CDK14: variants seen among roughly 807,000 people sequenced by gnomAD.
CDK14 encodes the protein cyclin-dependent kinase 14.
Under a neutral mutation model 60.7 loss-of-function variants are expected in CDK14, and 34 were observed. That is an observed-to-expected ratio of 0.56 (90% confidence interval 0.43 to 0.75). The LOEUF (loss-of-function observed/expected upper bound fraction) is 0.75. Among genes scored for constraint, CDK14 ranks in the 30% least tolerant of loss-of-function variants. CDK14 has a pLI of 0.00. For missense variants in CDK14, 482 were observed against 564.1 expected (o/e 0.85, Z 1.47); for synonymous variants, 197 against 203.7 (o/e 0.97, Z 0.28).
chr7:90,900,026 G>A (rs1051329103), intron 7 of CDK14, among the ~76,000 whole-genome samples: 2 of 152,088 alleles, frequency 1.3e-5, no homozygotes, highest in Admixed American at 6.6e-5. Flanking sequence ...AGAACCAATT[G>A]AGTATTACAG....
intron 8 of CDK14, among the ~76,000 whole-genome samples, chr7:90,944,877 C>T (rs117813446): frequency 0.016 from 2,445 of 152,196 alleles, 21 homozygotes; most frequent in Non-Finnish European, 0.022. Context: ...AACAGAGGAA[C>T]GTTCATTACC....
intron 8 of CDK14, among the ~76,000 whole-genome samples, chr7:90,952,455 A>G (rs192221001): frequency 6.6e-6 from 1 of 152,284 alleles, no homozygotes; most frequent in East Asian, 1.9e-4. Context: ...ACTTTGAATC[A>G]TTGGCAGTAG....
chr7:90,755,240 TA>T (rs1284749838), intron 4 of CDK14, among the ~76,000 whole-genome samples: 6 of 152,198 alleles, frequency 3.9e-5, no homozygotes, highest in South Asian at 2.1e-4. Context: ...TGAATTGGAT[TA>T]AAAAAATGTG....
intron 4 of CDK14, among the ~76,000 whole-genome samples, chr7:90,772,277 G>A: frequency 6.6e-6 from 1 of 152,192 alleles, no homozygotes; most frequent in East Asian, 1.9e-4. Flanking sequence ...TGCCTAGCTA[G>A]CAAGATTGCT....
chr7:90,946,183 C>A (rs1388770798), intron 8 of CDK14, among the ~76,000 whole-genome samples: 1 of 152,176 alleles, frequency 6.6e-6, no homozygotes, highest in African/African-American at 2.4e-5. Flanking sequence ...AATGAAAGCT[C>A]TGTGATGATT....
rs1441490069 is a variant in CDK14 at position 90,868,291 on chromosome 7, C to CTATA, written c.639+5031_639+5034dup. ...TTACATATATATGTATATATACACA[C>CTATA]TATATATATATACACACACACACAC... is the stretch of plus-strand genomic sequence containing the variant. On this transcript the variant is annotated intron_variant, in intron 6 of 14. Coordinates refer to ENST00000380050, the MANE Select transcript of CDK14 (RefSeq NM_001287135.2). Among the ~76,000 whole-genome samples the CTATA allele has an allele frequency of 8.1e-3, 1,144 of 141,782 alleles. 19 individuals are homozygous for CTATA. Among genetic ancestry groups the CTATA allele is most frequent in the African/African-American group, 0.027 (1,071 of 39,332 alleles). The allele number at this position is 141,782 out of a possible 152,430, so 93.0% of individuals were successfully genotyped here.
At chr7:90,733,448 G>A (rs1300877458) in intron 3 of CDK14, among the ~76,000 whole-genome samples, 1 of 152,104 alleles carries the variant, frequency 6.6e-6, no homozygotes, top group Non-Finnish European at 1.5e-5. Context: ...TATTGTTTGG[G>A]AGTCTAAGTC....
chr7:91,008,158 A>T (rs1796045332), intron 10 of CDK14, among the ~76,000 whole-genome samples: 1 of 150,664 alleles, frequency 6.6e-6, no homozygotes, highest in Admixed American at 6.7e-5. Context: ...AACAAAAAAA[A>T]ACAGTGGATG....
intron 2 of CDK14, among the ~76,000 whole-genome samples, chr7:90,623,155 T>TA (rs1201266557): frequency 6.6e-6 from 1 of 152,094 alleles, no homozygotes; most frequent in Non-Finnish European, 1.5e-5. Context: ...TTTTTCTTTA[T>TA]AGAGTTTGTG....
At chr7:90,727,885 C>T (rs557837439) in intron 3 of CDK14, among the ~76,000 whole-genome samples, 1 of 152,150 alleles carries the variant, frequency 6.6e-6, no homozygotes, top group South Asian at 2.1e-4. Context: ...GTTAAATACC[C>T]ATTCTCTGGG....
At chr7:91,105,343 G>A (rs1381537656) in intron 12 of CDK14, among the ~76,000 whole-genome samples, 2 of 152,248 alleles carry the variant, frequency 1.3e-5, no homozygotes, top group African/African-American at 4.8e-5. Context: ...CTTCAGTAAT[G>A]TAATTCAGCC....
chr7:90,779,925 A>G (rs1562766081), intron 4 of CDK14, among the ~76,000 whole-genome samples: 2 of 152,192 alleles, frequency 1.3e-5, no homozygotes, highest in South Asian at 2.1e-4. Context: ...TTACATGTCA[A>G]TCTTTTAGTC....
intron 10 of CDK14, among the ~76,000 whole-genome samples, chr7:91,021,321 G>T (rs1796429022): frequency 6.6e-6 from 1 of 152,210 alleles, no homozygotes; most frequent in Non-Finnish European, 1.5e-5. Flanking sequence ...TTTCTCCTCA[G>T]TAAAATGGGA....
At chr7:91,059,613 C>G (rs1417660093) in intron 11 of CDK14, among the ~76,000 whole-genome samples, 1 of 152,140 alleles carries the variant, frequency 6.6e-6, no homozygotes, top group Non-Finnish European at 1.5e-5. Context: ...TGTCTTTGTT[C>G]TCATTGGTTT....
intron 11 of CDK14, among the ~76,000 whole-genome samples, chr7:91,065,200 A>G (rs1391220984): frequency 6.6e-6 from 1 of 152,206 alleles, no homozygotes; most frequent in Non-Finnish European, 1.5e-5. Flanking sequence ...CCTCACGGGT[A>G]AAGGACTGAA....
intron 5 of CDK14, among the ~76,000 whole-genome samples, chr7:90,848,122 CAG>C (rs112931923): frequency 0.072 from 10,945 of 151,812 alleles, 502 homozygotes; most frequent in South Asian, 0.11. Flanking sequence ...TTTCTTTTGA[CAG>C]AGAGTCTTAA....
chr7:90,923,107 CTTTTT>C (rs1319576107), intron 8 of CDK14, among the ~76,000 whole-genome samples: 3 of 129,372 alleles, frequency 2.3e-5, no homozygotes, highest in Admixed American at 8.0e-5. Flanking sequence ...CCCTAAACAT[CTTTTT>C]TTTTTTTTTT....
intron 4 of CDK14, among the ~76,000 whole-genome samples, chr7:90,757,166 G>A (rs773099859): frequency 5.3e-5 from 8 of 151,068 alleles, no homozygotes; most frequent in Non-Finnish European, 1.0e-4. Context: ...TGGCTTGCAG[G>A]TGCATCACCC....
intron 14 of CDK14, among the ~76,000 whole-genome samples, chr7:91,158,285 T>C (rs1316121921): frequency 6.6e-6 from 1 of 151,840 alleles, no homozygotes; most frequent in East Asian, 1.9e-4. Context: ...CAATCTTGAC[T>C]CACTGCAGTC....
Sources: allele counts gnomAD v4.1 joint callset (sites outside exome capture counted in the v4.1 genomes callset), GRCh38; gene constraint gnomAD v4.1.1; transcripts MANE v1.5; gene names NCBI Gene and HGNC (gene_info 2026-07-23, HGNC 2026-07-21).